Variants in ZNF793 observed in about 807,000 individuals in gnomAD.
The protein encoded by ZNF793 is zinc finger protein 793.
Under a neutral mutation model 12.4 loss-of-function variants are expected in ZNF793, and 5 were observed. The observed-to-expected ratio is 0.40, with a 90% CI of 0.21 to 0.84. The LOEUF is 0.84. ZNF793 is among the 40% of genes least tolerant of loss of function. The probability of loss-of-function intolerance (pLI) is 0.35; values close to 1 mark genes in which losing one functional copy is unlikely to be tolerated. For missense variants in ZNF793, 456 were observed against 495.0 expected, an observed-to-expected ratio of 0.92 and a Z score of 0.75; for synonymous variants, 162 against 172.4, an observed-to-expected ratio of 0.94 and a Z score of 0.47.
intron 5 of ZNF793, among the ~76,000 whole-genome samples, chr19:37,530,111 C>CT (rs1461486772): frequency 2.0e-5 from 3 of 152,026 alleles, no homozygotes; most frequent in African/African-American, 7.2e-5. Flanking sequence ...AAGTGCTGTG[C>CT]TTTAGATATG....
At chr19:37,524,104 G>T (rs4803195) in intron 5 of ZNF793, among the ~76,000 whole-genome samples, 43,160 of 149,934 alleles carry the variant, frequency 0.29, 7,985 homozygotes, top group African/African-American at 0.52. Context: ...GAGCCAAGAT[G>T]GCACCATTGC....
At chr19:37,512,030 C>T (rs1026399917) in intron 2 of ZNF793, among the ~76,000 whole-genome samples, 5 of 151,930 alleles carry the variant, frequency 3.3e-5, no homozygotes, top group African/African-American at 1.2e-4. Context: ...GAGGAGTCTG[C>T]CTTAGGGATT....
chr19:37,512,505 C>T (rs1206038027), intron 2 of ZNF793, among the ~76,000 whole-genome samples: 1 of 152,048 alleles, frequency 6.6e-6, no homozygotes, highest in East Asian at 1.9e-4. Flanking sequence ...CAGAGCAAGA[C>T]TCCGTTTCAA....
At position 37,508,354 on chromosome 19, in the gene ZNF793, C is replaced by T. The variant is rs1039947792; in HGVS notation, c.-325C>T. On this transcript the variant is annotated 5_prime_UTR_variant, in exon 2 of 8. Transcript: ENST00000627814. ...CTGGAAATCCATTCTGACTCTGTGA[C>T]AGCGGGGATGGATGTGACCTTGCCC... is the stretch of plus-strand genomic sequence containing the variant. The T allele has an allele frequency of 2.0e-5, 3 of 152,138 alleles. No individual in the cohort carries two copies. The highest frequency in any genetic ancestry group is 2.0e-4 in the Admixed American group (3 of 15,264). The allele number at this position is 152,138 out of a possible 1,614,324, so 9.4% of individuals were successfully genotyped here.
intron 2 of ZNF793, among the ~76,000 whole-genome samples, chr19:37,514,675 G>A (rs2042318009): frequency 6.6e-6 from 1 of 151,304 alleles, no homozygotes; most frequent in East Asian, 1.9e-4. Context: ...TTTATATAAA[G>A]CCAACATTGT....
intron 7 of ZNF793, chr19:37,534,931 G>T (rs551916593): frequency 6.6e-6 from 1 of 152,464 alleles, no homozygotes; most frequent in South Asian, 2.0e-4. Context: ...CAGTCCACCT[G>T]CTTTGGCTTC....
intron 3 of ZNF793, among the ~76,000 whole-genome samples, chr19:37,521,366 A>G (rs1451811880): frequency 2.3e-5 from 3 of 131,552 alleles, no homozygotes; most frequent in African/African-American, 8.8e-5. Context: ...CAAGCGATCC[A>G]CCCACCTCGG....
chr19:37,522,261 G>A (rs931557281), intron 3 of ZNF793, among the ~76,000 whole-genome samples: 2 of 152,032 alleles, frequency 1.3e-5, no homozygotes, highest in East Asian at 1.9e-4. Context: ...GCAATGGCGC[G>A]ATCTTGGCTC....
intron 4 of ZNF793, 46 bp from the exon 5 acceptor site, chr19:37,523,357 ACTCTGTT>A (rs796669578): frequency 3.5e-6 from 5 of 1,420,552 alleles, no homozygotes; most frequent in African/African-American, 2.8e-5. Context: ...AGCTCTTTAC[ACTCTGTT>A]CTCTGTTCTC....
Position 37,523,369 on chromosome 19 carries a change from G to C in ZNF793, c.-30-41G>C, listed in dbSNP as rs1481219313. On this transcript the variant is annotated intron_variant, in intron 4 of 7. Coordinates refer to ENST00000627814, the MANE Select transcript of ZNF793 (RefSeq NM_001013659.3). ...CCTAGCTCTTTACACTCTGTTCTCT[G>C]TTCTCTCTTTCTCCATCTTCTTCCC... 19 of 1,501,082 alleles carry C rather than the reference G, an allele frequency of 1.3e-5. No individual in the cohort carries two copies. The Admixed American group carries it at 3.0e-4, about 24-fold the overall frequency. 93.0% of individuals were successfully genotyped at this position (1,501,082 alleles called of 1,614,324 possible).
At position 37,511,828 on chromosome 19, in the gene ZNF793, C is replaced by T. The variant is rs925311329; in HGVS notation, c.-276+3425C>T. The stretch of plus-strand genomic sequence containing the variant: ...AGTAGGGTCCCATTAATGAAGCTAA[C>T]GGTTAAGGACTCTTCTCAGTAGGTA... On this transcript the variant is annotated intron_variant, in intron 2 of 7. Coordinates refer to ENST00000627814, the MANE Select transcript of ZNF793 (RefSeq NM_001013659.3). Among the ~76,000 whole-genome samples, 17 of 152,110 alleles carry T rather than the reference C, an allele frequency of 1.1e-4. 1 individual carries two copies. Among genetic ancestry groups the T allele is most frequent in the Admixed American group, 7.9e-4 (12 of 15,252 alleles).
chr19:37,513,383 C>T (rs917644815), intron 2 of ZNF793, among the ~76,000 whole-genome samples: 41 of 152,256 alleles, frequency 2.7e-4, no homozygotes, highest in African/African-American at 9.4e-4. Flanking sequence ...TTTTCTTCAT[C>T]TGGAGGATAT....
intron 2 of ZNF793, among the ~76,000 whole-genome samples, chr19:37,516,238 G>T: frequency 6.6e-6 from 1 of 152,182 alleles, no homozygotes; most frequent in Middle Eastern, 3.4e-3. Flanking sequence ...GGGTTCAGGC[G>T]ATTCTTCTGC....
chr19:37,518,365 G>C (rs538695930), intron 2 of ZNF793, among the ~76,000 whole-genome samples: 1 of 152,138 alleles, frequency 6.6e-6, no homozygotes, highest in Non-Finnish European at 1.5e-5. Flanking sequence ...GACCTCAGTT[G>C]ATCTGCCCGC....
chr19:37,521,459 G>C (rs1397340514), intron 3 of ZNF793, among the ~76,000 whole-genome samples: 1 of 114,552 alleles, frequency 8.7e-6, no homozygotes, highest in Non-Finnish European at 1.7e-5. Context: ...TTTTGAGACA[G>C]AGTTTCGCTC....
chr19:37,516,550 C>T (rs571298703), intron 2 of ZNF793, among the ~76,000 whole-genome samples: 4 of 152,276 alleles, frequency 2.6e-5, no homozygotes, highest in African/African-American at 4.8e-5. Context: ...GTCACAATCA[C>T]GTCACAATGC....
At position 37,537,496 on chromosome 19, in the gene ZNF793, G is replaced by C. The variant is rs1236420866; in HGVS notation, c.838G>C (p.Val280Leu). Reference sequence around the variant, plus strand: ...CAAACACCAGAGAATTCACACTGGGGTAAGACCCTTTGAATGTTTTTTTTG... The same window carrying C: ...CAAACACCAGAGAATTCACACTGGGCTAAGACCCTTTGAATGTTTTTTTTG... ...LIKHQRIHTG[V>L]RPFECFFCGK... The change falls in exon 8 of 8, where the codon GTA becomes CTA. Residue 280 changes from valine (V) to leucine (L), a missense_variant. Coordinates refer to ENST00000627814, the MANE Select transcript of ZNF793 (RefSeq NM_001013659.3). The C allele has an allele frequency of 2.5e-6, 4 of 1,614,054 alleles. No homozygotes were observed. In the African/African-American group the frequency reaches 4.0e-5, roughly 16 times the overall value.
At chr19:37,525,591 C>G (rs2042409124) in intron 5 of ZNF793, among the ~76,000 whole-genome samples, 1 of 151,184 alleles carries the variant, frequency 6.6e-6, no homozygotes, top group Non-Finnish European at 1.5e-5. Context: ...CGCCCACCAT[C>G]AAACCCAGCT....
chr19:37,511,000 A>C (rs1434779925), intron 2 of ZNF793, among the ~76,000 whole-genome samples: 5 of 151,924 alleles, frequency 3.3e-5, no homozygotes, highest in Non-Finnish European at 5.9e-5. Context: ...CCCGGCCAAA[A>C]AATTCTTTAA....
Sources: gnomAD v4.1 joint callset for allele counts (sites outside exome capture counted in the v4.1 genomes callset) on GRCh38, gnomAD v4.1.1 for gene constraint, MANE v1.5 for transcripts, NCBI Gene and HGNC (gene_info 2026-07-23, HGNC 2026-07-21) for gene names.